The following TRIM3 variants were observed in gnomAD, a reference collection of about 807,000 sequenced individuals.
TRIM3 encodes the protein tripartite motif containing 3.
A neutral mutation model predicts 66.6 loss-of-function variants in TRIM3; 13 were observed. The observed-to-expected ratio is 0.20, with a 90% CI of 0.13 to 0.31. The LOEUF is 0.31. TRIM3 is among the 10% of genes least tolerant of loss of function. The probability of loss-of-function intolerance (pLI) is 1.00; values close to 1 mark genes in which losing one functional copy is unlikely to be tolerated. For missense variants in TRIM3, 711 were observed against 1,020.4 expected (o/e 0.70, Z 4.13); for synonymous variants, 406 against 411.7 (o/e 0.99, Z 0.17).
chr11:6,454,787 A>C (rs1037729936), intron 7 of TRIM3, among the ~76,000 whole-genome samples: 1 of 152,174 alleles, frequency 6.6e-6, no homozygotes, highest in Admixed American at 6.5e-5. Context: ...GGTGAAAAGC[A>C]GGGGTCAGAG....
rs778497296 is a variant in TRIM3, at chr11:6,456,949, C to G, written c.777G>C (p.Leu259=). 6.2e-7 allele frequency: 1 copy of G among 1,609,936 alleles called. No homozygotes were observed. The highest frequency in any genetic ancestry group is 8.5e-7 in the Non-Finnish European group (1 of 1,179,674). Residue 259 remains leucine, a synonymous_variant, in exon 6 of 12, where the codon CTG becomes CTC. Coordinates refer to ENST00000345851, the MANE Select transcript of TRIM3 (RefSeq NM_033278.4). This position sits in a 1 kb window ranked among gnomAD's most constrained non-coding sequence, Gnocchi z 6.4. The part of the protein sequence containing the change: ...GSSCSFAEQA[L]RLGSAPEVLL... ...ACACCTCCGGGGCCGAGCCCAGGCG[C>G]AGTGCCTGCTCTGCAAAGCTGCAGC...
At chr11:6,459,742 T>C (rs1448880811) in intron 2 of TRIM3, among the ~76,000 whole-genome samples, 2 of 152,150 alleles carry the variant, frequency 1.3e-5, no homozygotes, top group African/African-American at 4.8e-5. Context: ...TCTGATTAGA[T>C]ATGGGGAGCA....
chr11:6,459,427 G>A lies in TRIM3; in HGVS notation c.132-1131C>T, dbSNP rs191524521. On this transcript the variant is annotated intron_variant, in intron 2 of 11. Coordinates refer to ENST00000345851, the MANE Select transcript of TRIM3 (RefSeq NM_033278.4). Reference sequence around the variant, plus strand: ...ATTTAAAGGGAATGAGACAGCAGATGGGGTTGGGGGGCGAGGGCAGTGGCA... The same window carrying A: ...ATTTAAAGGGAATGAGACAGCAGATAGGGTTGGGGGGCGAGGGCAGTGGCA... Among the ~76,000 whole-genome samples the A allele has an allele frequency of 3.4e-3, 519 of 152,334 alleles. 3 individuals carry two copies. The highest frequency in any genetic ancestry group is 6.2e-3 in the Non-Finnish European group (425 of 68,036).
chr11:6,469,607 T>C (rs767373172), intron 1 of TRIM3, among the ~76,000 whole-genome samples: 9 of 152,208 alleles, frequency 5.9e-5, no homozygotes, highest in Non-Finnish European at 1.2e-4. Flanking sequence ...CTTTATGGCT[T>C]AGTTCTCAAG....
At position 6,449,515 on chromosome 11, in the gene TRIM3, A is replaced by AGGGTGAAGCCCCATG. The variant is rs1432180159; in HGVS notation, c.1942-70_1942-69insCATGGGGCTTCACCC. On this transcript the variant is annotated intron_variant, in intron 10 of 11. Transcript: ENST00000345851. This position sits in a 1 kb window ranked among gnomAD's most constrained non-coding sequence, Gnocchi z 5.3. ...AGAGGGTAGGGCTTTGGAGGAGGAT[A>AGGGTGAAGCCCCATG]GGGTGAAGCCCCAGGGCTGAGAACC... 1.3e-6 allele frequency: 2 copies of AGGGTGAAGCCCCATG among 1,501,726 alleles called. No individual in the cohort carries two copies. The highest frequency in any genetic ancestry group is 1.8e-6 in the Non-Finnish European group (2 of 1,107,228). 93.0% of individuals were successfully genotyped at this position (1,501,726 alleles called of 1,614,324 possible). A position where few individuals can be genotyped will look rare whatever the true frequency, so the allele number is the denominator to read the frequency against.
chr11:6,466,688 C>T (rs189290571), intron 1 of TRIM3, among the ~76,000 whole-genome samples: 1 of 149,500 alleles, frequency 6.7e-6, no homozygotes, highest in Non-Finnish European at 1.5e-5. Flanking sequence ...GGATCCTTTT[C>T]CTGGCCCCTT....
chr11:6,456,170 G>A lies in TRIM3; in HGVS notation c.1435C>T (p.Arg479Cys), dbSNP rs1253559909. Residue 479 changes from arginine (R) to cysteine (C), a missense_variant, in exon 7 of 12, where the codon CGT (arginine) becomes TGT (cysteine). Transcript: ENST00000345851. This position sits in a 1 kb window ranked among gnomAD's most constrained non-coding sequence, Gnocchi z 6.4. The part of the protein sequence containing the change: ...EDELVFRVGS[R>C]GREKGEFTNL... Reference sequence around the variant, plus strand: ...GTGAATTCACCTTTCTCCCTTCCACGACTGCCTGTGGGAAGGGACAGGAGG... The same window carrying A: ...GTGAATTCACCTTTCTCCCTTCCACAACTGCCTGTGGGAAGGGACAGGAGG... 5.0e-6 allele frequency: 8 copies of A among 1,613,880 alleles called. No individual in the cohort carries two copies. Among genetic ancestry groups the A allele is most frequent in the East Asian group, 2.2e-5 (1 of 44,890 alleles).
At chr11:6,471,185 A>G (rs143703656) in intron 1 of TRIM3, among the ~76,000 whole-genome samples, 1 of 152,298 alleles carries the variant, frequency 6.6e-6, no homozygotes, top group East Asian at 1.9e-4. Context: ...TCCTCCTACA[A>G]TCTCACAGGA....
At chr11:6,469,200 G>A (rs1485788682) in intron 1 of TRIM3, among the ~76,000 whole-genome samples, 1 of 152,192 alleles carries the variant, frequency 6.6e-6, no homozygotes, top group Non-Finnish European at 1.5e-5. Flanking sequence ...GGTCTGCTGG[G>A]TCCTGCTGGG....
At chr11:6,455,189 G>C (rs1849910881) in intron 7 of TRIM3, among the ~76,000 whole-genome samples, 1 of 152,064 alleles carries the variant, frequency 6.6e-6, no homozygotes, top group Non-Finnish European at 1.5e-5. Context: ...AACATCAGAA[G>C]TTTCACTAGA....
chr11:6,472,515 G>A (rs1167685612), intron 1 of TRIM3, among the ~76,000 whole-genome samples: 3 of 148,758 alleles, frequency 2.0e-5, no homozygotes, highest in Non-Finnish European at 3.0e-5. Flanking sequence ...CTAACCATAT[G>A]GTTTTTCTGC....
chr11:6,450,710 TA>T lies in TRIM3; in HGVS notation c.1871-90del, dbSNP rs1271193572. On this transcript the variant is annotated intron_variant, in intron 9 of 11. Transcript: ENST00000345851. This position sits in a 1 kb window ranked among gnomAD's most constrained non-coding sequence, Gnocchi z 4.8. ...TCTGGGAAGATAAAAGCTAGGGTGT[TA>T]GGAGAGGGGTGGGGTCTCCAGGACT... 5 of 1,452,932 alleles carry T rather than the reference TA, an allele frequency of 3.4e-6. No individual in the cohort carries two copies. In the East Asian group the frequency reaches 1.1e-4, roughly 33 times the overall value. The allele number at this position is 1,452,932 out of a possible 1,614,324, so 90.0% of individuals were successfully genotyped here.
At chr11:6,472,601 C>T (rs1228980137) in intron 1 of TRIM3, among the ~76,000 whole-genome samples, 1 of 152,188 alleles carries the variant, frequency 6.6e-6, no homozygotes, top group Admixed American at 6.5e-5. Flanking sequence ...GCCATTGTCT[C>T]CTAAGTGGCT....
At chr11:6,459,175 G>T (rs573777323) in intron 2 of TRIM3, among the ~76,000 whole-genome samples, 1 of 152,294 alleles carries the variant, frequency 6.6e-6, no homozygotes, top group South Asian at 2.1e-4. Flanking sequence ...AGGCAGAGGG[G>T]GAAGGGTAGT....
chr11:6,454,157 T>C (rs907174077), intron 7 of TRIM3, among the ~76,000 whole-genome samples: 6 of 152,096 alleles, frequency 3.9e-5, no homozygotes, highest in Non-Finnish European at 4.4e-5. Context: ...GGCAGGAGGA[T>C]AGCTTGAGCC....
chr11:6,461,853 T>C (rs1850255184), intron 2 of TRIM3, among the ~76,000 whole-genome samples: 1 of 152,134 alleles, frequency 6.6e-6, no homozygotes, highest in Non-Finnish European at 1.5e-5. Context: ...ATTATTTCCC[T>C]GTATATATAT....
At chr11:6,462,805 C>T (rs575040368) in intron 2 of TRIM3, among the ~76,000 whole-genome samples, 2 of 152,114 alleles carry the variant, frequency 1.3e-5, no homozygotes, top group East Asian at 3.9e-4. Context: ...ACCTGTAATC[C>T]CAGCTACTCA....
intron 1 of TRIM3, 30 bp from the exon 2 acceptor site, chr11:6,465,762 G>A (rs1850439269): frequency 1.3e-6 from 2 of 1,591,094 alleles, no homozygotes; most frequent in East Asian, 2.2e-5. Context: ...GCACCAGGGA[G>A]TCCAGAACTT....
At chr11:6,464,877 C>T (rs1324219638) in intron 2 of TRIM3, among the ~76,000 whole-genome samples, 1 of 151,092 alleles carries the variant, frequency 6.6e-6, no homozygotes, top group African/African-American at 2.4e-5. Flanking sequence ...GTCCCAGCTA[C>T]TCCGGAGGCT....
Sources: gnomAD v4.1 joint callset for allele counts (sites outside exome capture counted in the v4.1 genomes callset) on GRCh38, gnomAD v4.1.1 for gene constraint, Gnocchi (gnomAD v3.1) non-coding constraint, MANE v1.5 for transcripts, NCBI Gene and HGNC (gene_info 2026-07-23, HGNC 2026-07-21) for gene names.